Variants in KIAA1549L observed in about 807,000 individuals in gnomAD.
The protein encoded by KIAA1549L is KIAA1549 like, also known as UPF0606 protein KIAA1549L.
Under a neutral mutation model 160.7 loss-of-function variants are expected in KIAA1549L, and 88 were observed. That is an observed-to-expected ratio of 0.55 (90% CI 0.46 to 0.65). The LOEUF is 0.65. Ranked by LOEUF, KIAA1549L falls within the 30% of genes least tolerant of loss-of-function variation. The probability of loss-of-function intolerance (pLI) is 0.00; values close to 1 mark genes in which losing one functional copy is unlikely to be tolerated. For missense variants in KIAA1549L, 2,258 were observed against 2,437.5 expected, an observed-to-expected ratio of 0.93 and a Z score of 1.55; for synonymous variants, 950 against 976.7, an observed-to-expected ratio of 0.97 and a Z score of 0.51.
intron 1 of KIAA1549L, among the ~76,000 whole-genome samples, chr11:33,540,269 G>A (rs1004018954): frequency 1.1e-4 from 16 of 152,180 alleles, no homozygotes; most frequent in Admixed American, 7.2e-4. Flanking sequence ...AGATGAATTT[G>A]TTTTGATTCT....
intron 1 of KIAA1549L, chr11:33,403,372 G>A (rs866058786): frequency 2.8e-4 from 1 of 3,522 alleles, no homozygotes; most frequent in African/African-American, 1.3e-3. Flanking sequence ...GACACATGCA[G>A]ACAGACACAT....
At chr11:33,536,334 G>C (rs1288317266) in intron 1 of KIAA1549L, among the ~76,000 whole-genome samples, 1 of 152,238 alleles carries the variant, frequency 6.6e-6, no homozygotes, top group Non-Finnish European at 1.5e-5. Flanking sequence ...CAGCTGGAGT[G>C]ATTCAAATGG....
chr11:33,439,197 C>T (rs1384643471), intron 1 of KIAA1549L, among the ~76,000 whole-genome samples: 1 of 151,592 alleles, frequency 6.6e-6, no homozygotes, highest in Non-Finnish European at 1.5e-5. Context: ...CGGGTGTGAG[C>T]CACCGTGTCT....
Position 33,551,211 on chromosome 11 carries a change from G to A in KIAA1549L, c.3673G>A (p.Ala1225Thr). Residue 1225 changes from alanine to threonine, a missense_variant, in exon 5 of 21, where the codon GCC becomes ACC. Around this residue, in one of 6 missense-constraint regions of KIAA1549L, gnomAD observed 1,359 missense variants for 1,546.6 expected, o/e 0.88. Coordinates refer to ENST00000658780, the MANE Select transcript of KIAA1549L (RefSeq NM_012194.3). ...ACACTTACAGTCTGTGGCAGTACTT[G>A]CCTCCCCATGGAATCCCCAGCCTGC... ...TPHLQSVAVL[A>T]SPWNPQPAGY... The A allele has an allele frequency of 6.2e-7, 1 of 1,613,772 alleles. No homozygotes were observed. Among genetic ancestry groups the A allele is most frequent in the Non-Finnish European group, 8.5e-7 (1 of 1,179,868 alleles).
chr11:33,628,031 A>G (rs536468998), intron 16 of KIAA1549L, among the ~76,000 whole-genome samples: 3,479 of 152,130 alleles, frequency 0.023, 137 homozygotes, highest in African/African-American at 0.074. Context: ...TTCTGCCTTC[A>G]TTCGTTATGT....
chr11:33,455,314 A>G (rs1851800818), intron 1 of KIAA1549L, among the ~76,000 whole-genome samples: 1 of 152,178 alleles, frequency 6.6e-6, no homozygotes, highest in African/African-American at 2.4e-5. Flanking sequence ...TTAAATAAAG[A>G]ATTCAGTGTC....
chr11:33,535,498 C>A (rs1389595305), intron 1 of KIAA1549L, among the ~76,000 whole-genome samples: 2 of 151,736 alleles, frequency 1.3e-5, no homozygotes, highest in Non-Finnish European at 2.9e-5. Context: ...CATGGCGAAA[C>A]CCGTCTGTAC....
In KIAA1549L at chr11:33,538,805, A is replaced by G. The variant is rs577043302; in HGVS notation, c.239-2997A>G. On this transcript the variant is annotated intron_variant, in intron 1 of 20. Coordinates refer to ENST00000658780, the MANE Select transcript of KIAA1549L (RefSeq NM_012194.3). ...TTTTCTAAGTATGAACTATTCTTCT[A>G]GTTAAAGAGTAAAAAAAATTAATGT... Among the ~76,000 whole-genome samples, 3 of 152,142 alleles carry G rather than the reference A, an allele frequency of 2.0e-5. No individual in the cohort carries two copies. The East Asian group carries it at 5.8e-4, about 29-fold the overall frequency.
intron 3 of KIAA1549L, among the ~76,000 whole-genome samples, chr11:33,545,642 T>C (rs576703587): frequency 1.3e-5 from 2 of 152,212 alleles, no homozygotes; most frequent in Non-Finnish European, 2.9e-5. Context: ...TTATCCAGCC[T>C]AAAACATCCA....
intron 10 of KIAA1549L, among the ~76,000 whole-genome samples, chr11:33,576,243 C>T (rs1855443533): frequency 6.6e-6 from 1 of 152,180 alleles, no homozygotes; most frequent in South Asian, 2.1e-4. Context: ...TCCTCTCCTG[C>T]TCAGCTCTTG....
chr11:33,435,789 T>TATATATACAC, intron 1 of KIAA1549L, among the ~76,000 whole-genome samples: 1 of 10,976 alleles, frequency 9.1e-5, no homozygotes, highest in East Asian at 2.1e-3. Flanking sequence ...TATATATATA[T>TATATATACAC]ATATATATAT....
At chr11:33,639,234 G>A (rs1213602831) in intron 16 of KIAA1549L, among the ~76,000 whole-genome samples, 2 of 152,202 alleles carry the variant, frequency 1.3e-5, no homozygotes, top group African/African-American at 4.8e-5. Flanking sequence ...GGATGAAGTC[G>A]TGGGTACTTA....
In KIAA1549L at chr11:33,668,114, T is replaced by C. The variant is rs1442918937; in HGVS notation, c.6401T>C (p.Leu2134Pro). 5.6e-6 allele frequency: 9 copies of C among 1,613,776 alleles called. No individual in the cohort carries two copies. Among genetic ancestry groups the C allele is most frequent in the Non-Finnish European group, 7.6e-6 (9 of 1,179,858 alleles). The change falls in exon 21 of 21, where the codon CTG (leucine) becomes CCG (proline). Residue 2134 changes from leucine to proline, a missense_variant. Physicochemically the swap from Leu to Pro is moderately conservative, Grantham distance 98. This residue lies in a region of KIAA1549L where 1,359 missense variants were observed against 1,546.6 expected (regional missense o/e 0.88). Coordinates refer to ENST00000658780, the MANE Select transcript of KIAA1549L (RefSeq NM_012194.3). ...GCCATCCGGGAGGAGGTGGCCAAGC[T>C]GGCCAAAAAACAGACAGACATGTTT... ...VKAIREEVAKLAKKQTDMFEF... is the reference protein window; with the variant it reads ...VKAIREEVAKPAKKQTDMFEF...
At chr11:33,514,843 T>G (rs1222539473) in intron 1 of KIAA1549L, among the ~76,000 whole-genome samples, 1 of 152,220 alleles carries the variant, frequency 6.6e-6, no homozygotes, top group African/African-American at 2.4e-5. Flanking sequence ...AATATAAACT[T>G]GTCTCACGTT....
At chr11:33,378,560 G>T (rs973605866) in intron 1 of KIAA1549L, among the ~76,000 whole-genome samples, 7 of 152,158 alleles carry the variant, frequency 4.6e-5, no homozygotes, top group Non-Finnish European at 8.8e-5. Context: ...TGATTACAAT[G>T]ATGGTAAAAA....
At chr11:33,657,337 A>C (rs1021361630) in intron 18 of KIAA1549L, among the ~76,000 whole-genome samples, 2 of 151,854 alleles carry the variant, frequency 1.3e-5, no homozygotes, top group African/African-American at 4.8e-5. Flanking sequence ...TTCTTCTTTC[A>C]ACCACCTGTC....
chr11:33,551,150 C>T lies in KIAA1549L; in HGVS notation c.3612C>T (p.Val1204=), dbSNP rs760555180. The change falls in exon 5 of 21, where the codon GTC becomes GTT. Residue 1204 remains valine, a synonymous_variant. Transcript: ENST00000658780. The part of the protein sequence containing the change: ...VVIEMLGVYG[V]SNVTADLKQH... ...TCGAAATGCTGGGTGTGTATGGAGT[C>T]AGCAACGTCACTGCAGACCTGAAGC... The T allele has an allele frequency of 6.2e-7, 1 of 1,613,962 alleles. No homozygotes were observed. Among genetic ancestry groups the T allele is most frequent in the East Asian group, 2.2e-5 (1 of 44,882 alleles).
chr11:33,428,458 C>T (rs942134510), intron 1 of KIAA1549L, among the ~76,000 whole-genome samples: 6 of 152,058 alleles, frequency 3.9e-5, no homozygotes, highest in African/African-American at 1.2e-4. Context: ...CCCATCCCCC[C>T]GCCCACGACA....
intron 16 of KIAA1549L, among the ~76,000 whole-genome samples, chr11:33,620,791 C>T (rs1036480274): frequency 2.0e-5 from 3 of 152,048 alleles, no homozygotes; most frequent in African/African-American, 7.2e-5. Context: ...GATGTCAGGG[C>T]TCACAAGCAT....
Sources: allele counts gnomAD v4.1 joint callset (sites outside exome capture counted in the v4.1 genomes callset), GRCh38; gene constraint gnomAD v4.1.1; regional missense constraint gnomAD v4.1.1; transcripts MANE v1.5; gene names NCBI Gene and HGNC (gene_info 2026-07-23, HGNC 2026-07-21).